ADGRL2: variants seen among roughly 807,000 people sequenced by gnomAD.
ADGRL2 encodes adhesion G protein-coupled receptor L2.
Under a neutral mutation model 157.4 loss-of-function variants are expected in ADGRL2, and 44 were observed. That is an observed-to-expected ratio of 0.28 (90% CI 0.22 to 0.36). The LOEUF (loss-of-function observed/expected upper bound fraction) is 0.36, where lower values mean the gene tolerates loss of function less well. Among genes scored for constraint, ADGRL2 ranks in the 10% least tolerant of loss-of-function variants. ADGRL2 has a pLI of 1.00. For missense variants in ADGRL2, 1,510 were observed against 1,768.9 expected, an observed-to-expected ratio of 0.85 and a Z score of 2.63; for synonymous variants, 585 against 624.7, an observed-to-expected ratio of 0.94 and a Z score of 0.95.
chr1:81,964,257 T>C (rs1308566595), intron 11 of ADGRL2, among the ~76,000 whole-genome samples: 8 of 152,124 alleles, frequency 5.3e-5, no homozygotes, highest in Non-Finnish European at 1.2e-4. Context: ...ATATCTATGT[T>C]TGGGATGATT....
At chr1:81,776,104 T>A (rs905982051) in intron 2 of ADGRL2, among the ~76,000 whole-genome samples, 1 of 152,182 alleles carries the variant, frequency 6.6e-6, no homozygotes, top group Non-Finnish European at 1.5e-5. Flanking sequence ...GCTCACTACT[T>A]CTTCTATCAT....
chr1:81,385,976 T>C (rs191663902), intron 1 of ADGRL2, among the ~76,000 whole-genome samples: 136 of 152,256 alleles, frequency 8.9e-4, no homozygotes, highest in African/African-American at 3.0e-3. Flanking sequence ...TATGTCTCTA[T>C]AATTGTCTAA....
intron 3 of ADGRL2, among the ~76,000 whole-genome samples, chr1:81,648,504 A>T (rs547828645): frequency 1.3e-5 from 2 of 152,204 alleles, no homozygotes; most frequent in African/African-American, 4.8e-5. Flanking sequence ...AGGAAAAGAC[A>T]TATCTTTCTT....
chr1:81,441,454 T>G (rs944987011), intron 1 of ADGRL2, among the ~76,000 whole-genome samples: 1 of 152,168 alleles, frequency 6.6e-6, no homozygotes, highest in African/African-American at 2.4e-5. Flanking sequence ...CAATTAAGAG[T>G]ACAAACTTAC....
intron 1 of ADGRL2, among the ~76,000 whole-genome samples, chr1:81,803,861 C>A (rs974369559): frequency 1.3e-5 from 2 of 150,264 alleles, no homozygotes; most frequent in Admixed American, 1.3e-4. Flanking sequence ...TCATTCATTT[C>A]TCTGTCACTA....
chr1:81,771,517 C>A (rs896180165), intron 2 of ADGRL2, among the ~76,000 whole-genome samples: 1 of 152,056 alleles, frequency 6.6e-6, no homozygotes, highest in South Asian at 2.1e-4. Context: ...AGGAAAATTG[C>A]AAGTCTTACT....
At chr1:81,855,582 T>C (rs1289693760) in intron 2 of ADGRL2, among the ~76,000 whole-genome samples, 1 of 152,164 alleles carries the variant, frequency 6.6e-6, no homozygotes, top group African/African-American at 2.4e-5. Flanking sequence ...TATTTTTTCC[T>C]TGCAAGCAGG....
Position 81,777,445 on chromosome 1 carries a change from A to T in ADGRL2, c.-101+15593A>T, listed in dbSNP as rs149625464. Reference sequence around the variant, plus strand: ...ACCCTACAATTATTCCAACCAAAAGATGTATTTTTAGAGTTTGTTCATCTT... The same window carrying T: ...ACCCTACAATTATTCCAACCAAAAGTTGTATTTTTAGAGTTTGTTCATCTT... On this transcript the variant is annotated intron_variant, in intron 2 of 20. Coordinates refer to the ADGRL2 transcript ENST00000359929. Among the ~76,000 whole-genome samples the T allele has an allele frequency of 2.5e-3, 385 of 152,334 alleles. 6 individuals carry two copies. The highest frequency in any genetic ancestry group is 4.0e-4 in the Non-Finnish European group (27 of 68,038).
At chr1:81,340,900 T>A (rs1162677841) in intron 1 of ADGRL2, among the ~76,000 whole-genome samples, 1 of 151,856 alleles carries the variant, frequency 6.6e-6, no homozygotes, top group Admixed American at 6.6e-5. Context: ...AAGGTTTTTT[T>A]TTTTTTTAAA....
intron 1 of ADGRL2, among the ~76,000 whole-genome samples, chr1:81,381,081 T>C (rs1490085823): frequency 6.6e-6 from 1 of 152,120 alleles, no homozygotes; most frequent in East Asian, 1.9e-4. Flanking sequence ...AATTTTTCTT[T>C]ATATATGATT....
chr1:81,327,280 A>T lies in ADGRL2; in HGVS notation c.-302+20771A>T, dbSNP rs147609627. On this transcript the variant is annotated intron_variant, in intron 1 of 24. Coordinates refer to the ADGRL2 transcript ENST00000370721. ...AGGAAGGACATGTGCTATTGAGAGA[A>T]ATCATCCCATTCCTTTATCTTCTAG... is the stretch of plus-strand genomic sequence containing the variant. 2.0e-3 allele frequency among the ~76,000 whole-genome samples: 307 copies of T among 152,254 alleles called. 1 individual carries two copies. Among genetic ancestry groups the T allele is most frequent in the African/African-American group, 7.1e-3 (295 of 41,548 alleles).
intron 2 of ADGRL2, among the ~76,000 whole-genome samples, chr1:81,847,000 T>TTC (rs71592743): frequency 1.3e-5 from 2 of 151,338 alleles, no homozygotes; most frequent in Non-Finnish European, 3.0e-5. Flanking sequence ...TTTTTTTTTT[T>TTC]ACAGTTTTCT....
At chr1:81,740,456 T>A (rs961929243) in intron 1 of ADGRL2, among the ~76,000 whole-genome samples, 3 of 152,222 alleles carry the variant, frequency 2.0e-5, no homozygotes, top group African/African-American at 7.2e-5. Context: ...ACCATTTTTT[T>A]ACTTTTTGTT....
chr1:81,960,959 GTGT>G (rs1021991033), intron 11 of ADGRL2, among the ~76,000 whole-genome samples: 3 of 152,094 alleles, frequency 2.0e-5, no homozygotes, highest in Non-Finnish European at 4.4e-5. Flanking sequence ...GTTCTGCTCC[GTGT>G]TGTTTTTATT....
chr1:81,720,183 T>C (rs2084255615), intron 1 of ADGRL2, among the ~76,000 whole-genome samples: 1 of 145,884 alleles, frequency 6.9e-6, no homozygotes, highest in Non-Finnish European at 1.5e-5. Flanking sequence ...TTTTTTCTTT[T>C]CTTTTTTTTT....
chr1:81,966,855 C>A (rs1449434680), intron 13 of ADGRL2, among the ~76,000 whole-genome samples: 1 of 152,174 alleles, frequency 6.6e-6, no homozygotes, highest in African/African-American at 2.4e-5. Flanking sequence ...TTAATGAAAG[C>A]TAATTCAGTA....
At chr1:81,787,535 A>G (rs2087112444) in intron 2 of ADGRL2, among the ~76,000 whole-genome samples, 1 of 152,050 alleles carries the variant, frequency 6.6e-6, no homozygotes, top group Non-Finnish European at 1.5e-5. Flanking sequence ...CACGCTTGTA[A>G]TCCCAGCTAC....
chr1:81,616,423 C>G (rs1397960051), intron 3 of ADGRL2, among the ~76,000 whole-genome samples: 3 of 152,120 alleles, frequency 2.0e-5, no homozygotes, highest in Non-Finnish European at 4.4e-5. Context: ...TCACTGGTTG[C>G]CTATTGGGGC....
Position 81,943,561 on chromosome 1 carries a change from C to T in ADGRL2, c.1002C>T (p.Asp334=), listed in dbSNP as rs1648782288. The stretch of plus-strand genomic sequence containing the variant: ...ATGTGGTTAGGTCAGTTTATCAAGA[C>T]AATGAAAGTGAAACAGGCAAGAACT... ...VLYVVRSVYQ[D]NESETGKNSI... Residue 334 remains aspartate (D), a synonymous_variant, in exon 6 of 24, where the codon GAC becomes GAT. Coordinates refer to ENST00000686636, the MANE Select transcript of ADGRL2 (RefSeq NM_001366006.2). This position sits in a 1 kb window ranked among gnomAD's most constrained non-coding sequence, Gnocchi z 5.6. 3 of 1,613,670 alleles carry T rather than the reference C, an allele frequency of 1.9e-6. No individual in the cohort carries two copies. Among genetic ancestry groups the T allele is most frequent in the Middle Eastern group, 3.3e-4 (2 of 6,062 alleles).
Sources: gnomAD v4.1 joint callset for allele counts (sites outside exome capture counted in the v4.1 genomes callset) on GRCh38, gnomAD v4.1.1 for gene constraint, Gnocchi (gnomAD v3.1) non-coding constraint, MANE v1.5 for transcripts, NCBI Gene and HGNC (gene_info 2026-07-23, HGNC 2026-07-21) for gene names.